The following MYBPC1 variants were observed in gnomAD, a reference collection of about 807,000 sequenced individuals.
MYBPC1 encodes the protein myosin binding protein C1.
A neutral mutation model predicts 147.1 loss-of-function variants in MYBPC1; 52 were observed. That is an observed-to-expected ratio of 0.35 (90% CI 0.28 to 0.45). The LOEUF (loss-of-function observed/expected upper bound fraction) is 0.45, where lower values mean the gene tolerates loss of function less well. MYBPC1 is among the 20% of genes least tolerant of loss of function. The pLI, the probability that MYBPC1 is intolerant of heterozygous loss-of-function variation, is 1.00. For missense variants in MYBPC1, 1,228 were observed against 1,440.3 expected (o/e 0.85, Z 2.39); for synonymous variants, 477 against 475.9 (o/e 1.00, Z -0.03).
chr12:101,670,892 G>A (rs1898516899), intron 24 of MYBPC1, among the ~76,000 whole-genome samples: 1 of 152,096 alleles, frequency 6.6e-6, no homozygotes, highest in Non-Finnish European at 1.5e-5. Flanking sequence ...TGAAATATAT[G>A]AACAATATTA....
intron 1 of MYBPC1, among the ~76,000 whole-genome samples, chr12:101,603,108 G>A (rs1269677116): frequency 4.6e-5 from 7 of 152,158 alleles, no homozygotes; most frequent in Non-Finnish European, 5.9e-5. Flanking sequence ...ACTTTGGGAG[G>A]CTGAGGTGGG....
intron 16 of MYBPC1, 57 bp from the exon 17 acceptor site, chr12:101,652,621 G>A: frequency 1.6e-6 from 2 of 1,252,128 alleles, no homozygotes; most frequent in East Asian, 4.6e-5. Context: ...TTCAGCTTGG[G>A]TCATATATAA....
intron 24 of MYBPC1, 92 bp downstream of exon 24, chr12:101,670,501 A>C (rs761418500): frequency 8.2e-6 from 9 of 1,102,156 alleles, no homozygotes; most frequent in Non-Finnish European, 1.3e-5. Context: ...GTTCATCATG[A>C]TTCAGGATTT....
intron 27 of MYBPC1, 74 bp from the exon 28 acceptor site, chr12:101,678,028 A>T: frequency 6.5e-7 from 1 of 1,538,146 alleles, no homozygotes; most frequent in Non-Finnish European, 9.0e-7. Flanking sequence ...AATCATGTGT[A>T]AAGTATGCCA....
At chr12:101,677,212 G>GTTA (rs1566010233) in intron 26 of MYBPC1, 23 bp from the exon 27 acceptor site, 1 of 1,606,928 alleles carries the variant, frequency 6.2e-7, no homozygotes, top group Admixed American at 1.7e-5. Flanking sequence ...TTTTCCTCCA[G>GTTA]TTATTATTTT....
intron 10 of MYBPC1, among the ~76,000 whole-genome samples, chr12:101,638,949 T>C (rs971258512): frequency 2.0e-5 from 3 of 150,536 alleles, no homozygotes; most frequent in Non-Finnish European, 4.4e-5. Context: ...GTGAGTTGCA[T>C]GCGTTTTCAT....
chr12:101,688,050 G>A (rs1951376416), downstream of MYBPC1, among the ~76,000 whole-genome samples: 1 of 152,048 alleles, frequency 6.6e-6, no homozygotes, highest in Admixed American at 6.5e-5. Flanking sequence ...CTATAATTTT[G>A]TTTAAATTTC....
intron 18 of MYBPC1, among the ~76,000 whole-genome samples, chr12:101,658,903 T>G (rs1263741359): frequency 6.6e-6 from 1 of 152,192 alleles, no homozygotes; most frequent in Admixed American, 6.5e-5. Context: ...ATAACCAGTT[T>G]CTAAATTACT....
intron 10 of MYBPC1, among the ~76,000 whole-genome samples, chr12:101,639,326 T>C (rs1891577162): frequency 6.6e-6 from 1 of 152,170 alleles, no homozygotes; most frequent in Admixed American, 6.5e-5. Context: ...CTACAGAAAT[T>C]TGGCTTTTTC....
chr12:101,603,392 T>C (rs1201392207), intron 1 of MYBPC1, among the ~76,000 whole-genome samples: 2 of 152,068 alleles, frequency 1.3e-5, no homozygotes, highest in Non-Finnish European at 2.9e-5. Context: ...GGGTGCTTTT[T>C]GGTGGATAGG....
intron 1 of MYBPC1, among the ~76,000 whole-genome samples, chr12:101,607,063 C>T (rs1369906910): frequency 3.3e-5 from 5 of 152,102 alleles, no homozygotes; most frequent in Non-Finnish European, 5.9e-5. Context: ...TGAGCTCAAG[C>T]GATTCGATCT....
chr12:101,643,592 G>A (rs1016776081), intron 11 of MYBPC1, among the ~76,000 whole-genome samples: 5 of 152,178 alleles, frequency 3.3e-5, no homozygotes, highest in African/African-American at 1.2e-4. Flanking sequence ...TGGAATGATG[G>A]AAATACAAGC....
At chr12:101,597,006 T>A (rs1877513971) in intron 1 of MYBPC1, among the ~76,000 whole-genome samples, 1 of 152,184 alleles carries the variant, frequency 6.6e-6, no homozygotes, top group Non-Finnish European at 1.5e-5. Context: ...TTTTTTTGGT[T>A]CCCTTACCAG....
intron 29 of MYBPC1, among the ~76,000 whole-genome samples, chr12:101,681,648 A>G (rs1250587585): frequency 9.5e-6 from 1 of 105,188 alleles, no homozygotes; most frequent in African/African-American, 3.8e-5. Context: ...TTGCTCTGTC[A>G]CCCAGGCTGG....
downstream of MYBPC1, chr12:101,686,109 A>T (rs1194349648): frequency 6.5e-6 from 1 of 153,268 alleles, no homozygotes; most frequent in East Asian, 1.9e-4. Context: ...GATGTCATAC[A>T]GGCCTGCTTC....
chr12:101,682,743 C>A (rs1417946462), intron 30 of MYBPC1, 81 bp downstream of exon 30: 3 of 1,301,168 alleles, frequency 2.3e-6, no homozygotes, highest in South Asian at 2.5e-5. Flanking sequence ...GCATGTAAAG[C>A]TTGACTTTCT....
In MYBPC1 at chr12:101,685,905, C is replaced by T; in HGVS notation, c.*343C>T. The T allele has an allele frequency of 2.3e-6, 1 of 430,098 alleles. No homozygotes were observed. The highest frequency in any genetic ancestry group is 4.2e-6 in the Non-Finnish European group (1 of 240,634). The allele number at this position is 430,098 out of a possible 1,614,324, so 26.6% of individuals were successfully genotyped here. On this transcript the variant is annotated 3_prime_UTR_variant, in exon 32 of 32. Coordinates refer to ENST00000361466, the MANE Select transcript of MYBPC1 (RefSeq NM_002465.4). ...AGCACTTTGGTCATTATTATCTCTG[C>T]TCACTGTATTATACTTTACAAAAAT... is the stretch of plus-strand genomic sequence containing the variant.
At chr12:101,627,868 T>C in intron 5 of MYBPC1, 64 bp downstream of exon 5, 9 of 1,511,222 alleles carry the variant, frequency 6.0e-6, no homozygotes, top group Non-Finnish European at 8.3e-6. Context: ...TGAGCTCATT[T>C]CTTGAAGCTG....
chr12:101,670,176 A>T (rs1217049685), intron 23 of MYBPC1, 145 bp from the exon 24 acceptor site: 1 of 754,656 alleles, frequency 1.3e-6, no homozygotes, highest in Non-Finnish European at 2.4e-6. Context: ...GTTACTATAT[A>T]TCGTCTGTTA....
Sources: allele counts gnomAD v4.1 joint callset (sites outside exome capture counted in the v4.1 genomes callset), GRCh38; gene constraint gnomAD v4.1.1; transcripts MANE v1.5; gene names NCBI Gene and HGNC (gene_info 2026-07-23, HGNC 2026-07-21).